The following RAG2 variants were observed in gnomAD, a reference collection of about 807,000 sequenced individuals.
RAG2 encodes V(D)J recombination-activating protein 2.
In RAG2, 16 loss-of-function variants were observed where a neutral mutation model predicts 31.8. That is an observed-to-expected ratio of 0.50 (90% CI 0.34 to 0.76). The LOEUF (loss-of-function observed/expected upper bound fraction) is 0.76, where lower values mean the gene tolerates loss of function less well. Among genes scored for constraint, RAG2 ranks in the 30% least tolerant of loss-of-function variants. The probability of loss-of-function intolerance (pLI) is 0.01; values close to 1 mark genes in which losing one functional copy is unlikely to be tolerated. For synonymous variants in RAG2, 199 were observed against 215.9 expected (o/e 0.92, Z 0.68); for missense variants, 622 against 628.5 (o/e 0.99, Z 0.11).
chr11:36,592,743 A>C lies in RAG2; in HGVS notation c.1426T>G (p.Tyr476Asp). The C allele has an allele frequency of 6.2e-7, 1 of 1,614,018 alleles. No individual in the cohort carries two copies. Among genetic ancestry groups the C allele is most frequent in the Non-Finnish European group, 8.5e-7 (1 of 1,179,992 alleles). Residue 476 changes from tyrosine (Y) to aspartate (D), a missense_variant, in exon 2 of 2, where the codon TAT becomes GAT. Transcript: ENST00000311485. ...ATCTCCACATGCTCATTGCAGTAAT[A>C]CTTGTTGCTTCCTGCTGACAGATGG... is the stretch of plus-strand genomic sequence containing the variant. The part of the protein sequence containing the change: ...LIHLSAGSNK[Y>D]YCNEHVEIAR...
chr11:36,593,628 A>G lies in RAG2; in HGVS notation c.541T>C (p.Cys181Arg), dbSNP rs1564996998. 1.5e-5 allele frequency: 24 copies of G among 1,614,204 alleles called. No individual in the cohort carries two copies. Among genetic ancestry groups the G allele is most frequent in the Middle Eastern group, 1.6e-4 (1 of 6,062 alleles). Residue 181 changes from cysteine (C) to arginine (R), a missense_variant, in exon 2 of 2, where the codon TGT (cysteine) becomes CGT (arginine). Coordinates refer to ENST00000311485, the MANE Select transcript of RAG2 (RefSeq NM_000536.4). The stretch of plus-strand genomic sequence containing the variant: ...AATTCAAAATCCACCAGGAAAACAC[A>G]GGGCAGGCAGTCAGCTACACTATTC... ...KWNSVADCLP[C>R]VFLVDFEFGC...
rs1321187986 is a variant in RAG2 at position 36,593,955 on chromosome 11, G to A, written c.214C>T (p.Leu72Phe). Reference sequence around the variant, plus strand: ...AATGTGCAAGTGGCTGGGTAGCGAAGAGGAGGGAGGTAGCAGGAATCCTTA... The same window carrying A: ...AATGTGCAAGTGGCTGGGTAGCGAAAAGGAGGGAGGTAGCAGGAATCCTTA... ...FSKDSCYLPPLRYPATCTFKG... is the reference protein window; with the variant it reads ...FSKDSCYLPPFRYPATCTFKG... The change falls in exon 2 of 2, where the codon CTT (leucine) becomes TTT (phenylalanine). Residue 72 changes from leucine to phenylalanine, a missense_variant. By Grantham distance (22) the Leu-to-Phe change is conservative. Coordinates refer to ENST00000311485, the MANE Select transcript of RAG2 (RefSeq NM_000536.4). 1 of 1,614,082 alleles carries A rather than the reference G, an allele frequency of 6.2e-7. No homozygotes were observed. The highest frequency in any genetic ancestry group is 1.3e-5 in the African/African-American group (1 of 74,920).
At chr11:36,594,231 G>C (rs1427372091) in intron 1 of RAG2, 36 bp from the exon 2 acceptor site, 4 of 1,285,034 alleles carry the variant, frequency 3.1e-6, no homozygotes, top group Non-Finnish European at 3.4e-6. Context: ...CTTAGAGATC[G>C]CTTCATATAA....
chr11:36,596,211 G>GTA (rs1851225194), intron 1 of RAG2, among the ~76,000 whole-genome samples: 1 of 101,158 alleles, frequency 9.9e-6, no homozygotes, highest in Non-Finnish European at 1.9e-5. Context: ...AGATGGTAGT[G>GTA]TTTTTTTTTT....
chr11:36,596,222 GTT>G (rs67282079), intron 1 of RAG2, among the ~76,000 whole-genome samples: 13 of 118,354 alleles, frequency 1.1e-4, no homozygotes, highest in South Asian at 8.4e-4. Context: ...TTTTTTTTTT[GTT>G]TTTTTTTTTT....
rs121917894 is a variant in RAG2, at chr11:36,593,483, C to A, written c.686G>T (p.Arg229Leu). 1.5e-5 allele frequency: 24 copies of A among 1,613,750 alleles called. No homozygotes were observed. Among genetic ancestry groups the A allele is most frequent in the Non-Finnish European group, 1.8e-5 (21 of 1,180,016 alleles). Residue 229 changes from arginine (R) to leucine (L), a missense_variant, in exon 2 of 2, where the codon CGG becomes CTG. By Grantham distance (102) the Arg-to-Leu change is moderately radical (BLOSUM62 -2). Transcript: ENST00000311485. ...LGGHSLANNI[R>L]PANLYRIRVD... is the part of the protein sequence containing the mutation. The stretch of plus-strand genomic sequence containing the variant: ...CCTTATTCTGTACAGGTTGGCAGGC[C>A]GGATATTATTGGCAAGTGAATGTCC...
At position 36,592,654 on chromosome 11, in the gene RAG2, G is replaced by T. The variant is rs577434324; in HGVS notation, c.1515C>A (p.Leu505=). 6.2e-7 allele frequency: 1 copy of T among 1,614,152 alleles called. No homozygotes were observed. The highest frequency in any genetic ancestry group is 1.7e-5 in the Admixed American group (1 of 60,022). The change falls in exon 2 of 2, where the codon CTC becomes CTA. Residue 505 remains leucine, a synonymous_variant. Coordinates refer to ENST00000311485, the MANE Select transcript of RAG2 (RefSeq NM_000536.4). ...LPLKKPPMKS[L]RKKGSGKILT... ...AGATTTTTCCAGAACCTTTTTTACG[G>T]AGGGATTTCATTGGAGGCTTTTTTA...
chr11:36,592,360 T>G lies in RAG2; in HGVS notation c.*225A>C. 2 of 573,158 alleles carry G rather than the reference T, an allele frequency of 3.5e-6. No individual in the cohort carries two copies. Among genetic ancestry groups the G allele is most frequent in the South Asian group, 4.4e-5 (2 of 45,860 alleles). The allele number at this position is 573,158 out of a possible 1,614,324, so 35.5% of individuals were successfully genotyped here. On this transcript the variant is annotated 3_prime_UTR_variant, in exon 2 of 2. Coordinates refer to ENST00000311485, the MANE Select transcript of RAG2 (RefSeq NM_000536.4). ...CAGAAATCCTCAGTGAAGAATAAAT[T>G]AGTAAATTGAGTATTTGGGTAAAAT... is the stretch of plus-strand genomic sequence containing the variant.
In RAG2 at chr11:36,593,241, C is replaced by A; in HGVS notation, c.928G>T (p.Asp310Tyr). 1.2e-6 allele frequency: 2 copies of A among 1,614,162 alleles called. No individual in the cohort carries two copies. The highest frequency in any genetic ancestry group is 1.7e-6 in the Non-Finnish European group (2 of 1,180,028). ...AACCATATCTTGCTGTGCTTAATGT[C>A]TGGGGTCCAATCTGGGGTCTCCATC... The part of the protein sequence containing the change: ...REMETPDWTP[D>Y]IKHSKIWFGS... The change falls in exon 2 of 2, where the codon GAC becomes TAC. Residue 310 changes from aspartate (D) to tyrosine (Y), a missense_variant. Asp to Tyr is a radical substitution (Grantham distance 160). Transcript: ENST00000311485.
At chr11:36,597,112 AC>A (rs142579332) in intron 1 of RAG2, among the ~76,000 whole-genome samples, 478 of 152,316 alleles carry the variant, frequency 3.1e-3, no homozygotes, top group African/African-American at 0.01. Context: ...TTTTTAGATT[AC>A]TCACTTTAAC....
Position 36,593,007 on chromosome 11 carries a change from C to T in RAG2, c.1162G>A (p.Ala388Thr). 1.9e-6 allele frequency: 3 copies of T among 1,614,142 alleles called. No homozygotes were observed. The highest frequency in any genetic ancestry group is 2.5e-6 in the Non-Finnish European group (3 of 1,180,004). The change falls in exon 2 of 2, where the codon GCA (alanine) becomes ACA (threonine). Residue 388 changes from alanine (A) to threonine (T), a missense_variant. Transcript: ENST00000311485. Reference sequence around the variant, plus strand: ...TCACCATCAAAACTATTTGCTTCTGCACTGAAACAAAATTCTTCAGAGTCT... The same window carrying T: ...TCACCATCAAAACTATTTGCTTCTGTACTGAAACAAAATTCTTCAGAGTCT... Reference protein sequence around the residue: ...FEDSEEFCFSAEANSFDGDDE... With the variant: ...FEDSEEFCFSTEANSFDGDDE...
At chr11:36,594,899 C>G (rs997641603) in intron 1 of RAG2, 1 of 152,248 alleles carries the variant, frequency 6.6e-6, no homozygotes, top group African/African-American at 2.4e-5. Flanking sequence ...AAAACTACAC[C>G]CCTGACGACC....
rs865900683 is a variant in RAG2 at position 36,592,878 on chromosome 11, C to T, written c.1291G>A (p.Val431Ile). The T allele has an allele frequency of 1.9e-6, 3 of 1,613,926 alleles. No homozygotes were observed. The highest frequency in any genetic ancestry group is 1.3e-5 in the African/African-American group (1 of 74,884). The change falls in exon 2 of 2, where the codon GTA becomes ATA. Residue 431 changes from valine (V) to isoleucine (I), a missense_variant. Physicochemically the swap from Val to Ile is conservative, Grantham distance 29. Transcript: ENST00000311485. ...PTCDVDINTW[V>I]PFYSTELNKP... ...TTGAGCTCAGTTGAATAGAATGGTA[C>T]CCAAGTGTTGATATCCACATCACAA... is the stretch of plus-strand genomic sequence containing the variant.
At chr11:36,591,273 G>A (rs141347430), downstream of RAG2, among the ~76,000 whole-genome samples, 15 of 152,168 alleles carry the variant, frequency 9.9e-5, no homozygotes, top group East Asian at 3.9e-4. Flanking sequence ...GTACTCCAGC[G>A]TTTCATCTCT....
chr11:36,596,061 A>C (rs1851217070), intron 1 of RAG2, among the ~76,000 whole-genome samples: 1 of 152,236 alleles, frequency 6.6e-6, no homozygotes, highest in African/African-American at 2.4e-5. Flanking sequence ...TAAATGGGAT[A>C]GCACGTGTAA....
chr11:36,595,471 CAT>C (rs1198728818), intron 1 of RAG2, among the ~76,000 whole-genome samples: 3 of 152,322 alleles, frequency 2.0e-5, no homozygotes, highest in African/African-American at 7.2e-5. Flanking sequence ...GGAAACAAAA[CAT>C]AGCACAGATT....
chr11:36,592,593 A>G lies in RAG2; in HGVS notation c.1576T>C (p.Phe526Leu). The change falls in exon 2 of 2, where the codon TTT (phenylalanine) becomes CTT (leucine). Residue 526 changes from phenylalanine (F) to leucine (L), a missense_variant. Phe to Leu is a conservative substitution (Grantham distance 22). Transcript: ENST00000311485. ...PAKKSFLRRL[F>L]D ...GAAAGGCTTTTGCAAAACTAATCAA[A>G]CAACCTTCTAAGAAAGGATTTCTTG... is the stretch of plus-strand genomic sequence containing the variant. The G allele has an allele frequency of 1.9e-6, 3 of 1,614,052 alleles. No individual in the cohort carries two copies. Among genetic ancestry groups the G allele is most frequent in the East Asian group, 2.2e-5 (1 of 44,884 alleles).
At position 36,594,157 on chromosome 11, in the gene RAG2, C is replaced by G. The variant is rs1851109380; in HGVS notation, c.12G>C (p.Gln4His). The change falls in exon 2 of 2, where the codon CAG becomes CAC. Residue 4 changes from glutamine (Q) to histidine (H), a missense_variant. Transcript: ENST00000311485. ...CTATGTTATTACTGACTGTTACCAT[C>G]TGCAGAGACATAGTTTCTGATGGTA... MSL[Q>H]MVTVSNNIAL... is the part of the protein sequence containing the mutation. 6.2e-7 allele frequency: 1 copy of G among 1,609,538 alleles called. No homozygotes were observed.
At chr11:36,595,276 A>C (rs1009026892) in intron 1 of RAG2, 1 of 152,210 alleles carries the variant, frequency 6.6e-6, no homozygotes, top group South Asian at 2.1e-4. Context: ...TTCTGTAGTA[A>C]GTAAGCAGGG....
Sources: allele counts gnomAD v4.1 joint callset (sites outside exome capture counted in the v4.1 genomes callset), GRCh38; gene constraint gnomAD v4.1.1; transcripts MANE v1.5; gene names NCBI Gene and HGNC (gene_info 2026-07-23, HGNC 2026-07-21).